Variants in PCDH15 observed in about 807,000 individuals in gnomAD.
The protein encoded by PCDH15 is protocadherin related 15.
Under a neutral mutation model 178.5 loss-of-function variants are expected in PCDH15, and 129 were observed. That is an observed-to-expected ratio of 0.72 (90% CI 0.63 to 0.84). The LOEUF (loss-of-function observed/expected upper bound fraction) is 0.84, where lower values mean the gene tolerates loss of function less well. PCDH15 is among the 40% of genes least tolerant of loss of function. PCDH15 has a pLI of 0.00. For missense variants in PCDH15, 2,230 were observed against 2,099.9 expected (o/e 1.06, Z -1.21); for synonymous variants, 800 against 732.0 (o/e 1.09, Z -1.50).
chr10:55,536,466 A>G (rs1841580232), intron 2 of PCDH15, among the ~76,000 whole-genome samples: 1 of 152,076 alleles, frequency 6.6e-6, no homozygotes, highest in Non-Finnish European at 1.5e-5. Context: ...AATTTCCTCT[A>G]CTGAAAAATT....
intron 3 of PCDH15, among the ~76,000 whole-genome samples, chr10:54,817,297 G>C (rs926182729): frequency 4.6e-5 from 7 of 151,974 alleles, no homozygotes; most frequent in Middle Eastern, 3.4e-3. Context: ...TAGAAAACTT[G>C]CCATGAATCC....
chr10:54,271,155 T>C (rs1438292225), intron 8 of PCDH15, among the ~76,000 whole-genome samples: 1 of 152,166 alleles, frequency 6.6e-6, no homozygotes, highest in East Asian at 1.9e-4. Context: ...CCATTGTATA[T>C]AATTTAAATT....
chr10:53,979,388 A>G (rs773646075), intron 21 of PCDH15, among the ~76,000 whole-genome samples: 3 of 152,178 alleles, frequency 2.0e-5, no homozygotes, highest in Non-Finnish European at 4.4e-5. Flanking sequence ...CCATGATTCA[A>G]TTGTCTCCCA....
At chr10:55,457,055 C>A (rs1839569651) in intron 2 of PCDH15, among the ~76,000 whole-genome samples, 1 of 152,012 alleles carries the variant, frequency 6.6e-6, no homozygotes, top group Non-Finnish European at 1.5e-5. Flanking sequence ...TCTAGAATTA[C>A]ATGAGCTGAG....
chr10:54,685,107 C>T (rs1014215107), intron 1 of PCDH15, among the ~76,000 whole-genome samples: 1 of 151,862 alleles, frequency 6.6e-6, no homozygotes, highest in Non-Finnish European at 1.5e-5. Context: ...TAGGCCTACA[C>T]CGGGTCAAGA....
intron 2 of PCDH15, among the ~76,000 whole-genome samples, chr10:55,477,385 G>T (rs186323718): frequency 7.8e-4 from 119 of 151,974 alleles, no homozygotes; most frequent in Non-Finnish European, 1.2e-3. Context: ...ATATGAGACA[G>T]CATAAGGGTA....
intron 2 of PCDH15, among the ~76,000 whole-genome samples, chr10:55,531,109 A>G (rs1841444135): frequency 6.6e-6 from 1 of 151,996 alleles, no homozygotes; most frequent in Non-Finnish European, 1.5e-5. Flanking sequence ...CCTGTCTACT[A>G]GTTACTAACT....
chr10:54,767,664 G>A (rs80190400), intron 1 of PCDH15, among the ~76,000 whole-genome samples: 40 of 152,188 alleles, frequency 2.6e-4, no homozygotes, highest in African/African-American at 8.9e-4. Flanking sequence ...GATACAATGT[G>A]AGGAAAATAA....
intron 2 of PCDH15, among the ~76,000 whole-genome samples, chr10:55,381,932 A>G (rs1837543037): frequency 6.6e-6 from 1 of 152,162 alleles, no homozygotes; most frequent in Non-Finnish European, 1.5e-5. Context: ...AAGTTGTCTG[A>G]GAAAGAAGTC....
chr10:55,271,729 T>A (rs1259888235), intron 1 of PCDH15, among the ~76,000 whole-genome samples: 1 of 152,078 alleles, frequency 6.6e-6, no homozygotes, highest in Non-Finnish European at 1.5e-5. Context: ...TAGGTCTTGG[T>A]ACTCTGGCCT....
chr10:54,485,456 A>G (rs2079036840), intron 3 of PCDH15, among the ~76,000 whole-genome samples: 1 of 152,044 alleles, frequency 6.6e-6, no homozygotes, highest in Non-Finnish European at 1.5e-5. Context: ...TATTTAGGAT[A>G]CAAAATAAGA....
intron 1 of PCDH15, among the ~76,000 whole-genome samples, chr10:54,732,224 T>A (rs2132670670): frequency 6.6e-6 from 1 of 151,358 alleles, no homozygotes; most frequent in Non-Finnish European, 1.5e-5. Flanking sequence ...ATTAGGAGAC[T>A]TCTAGCTAAA....
At chr10:54,800,314 A>G (rs1317347264) in intron 1 of PCDH15, among the ~76,000 whole-genome samples, 1 of 152,216 alleles carries the variant, frequency 6.6e-6, no homozygotes, top group Non-Finnish European at 1.5e-5. Context: ...AGAAGGATAC[A>G]GTTGACCTAG....
chr10:55,614,769 C>T (rs1843441064), intron 2 of PCDH15, among the ~76,000 whole-genome samples: 1 of 152,072 alleles, frequency 6.6e-6, no homozygotes, highest in Non-Finnish European at 1.5e-5. Context: ...TGGTTTATTT[C>T]TATAGCTTTT....
At chr10:55,335,845 T>C (rs1156404839) in intron 2 of PCDH15, among the ~76,000 whole-genome samples, 1 of 152,192 alleles carries the variant, frequency 6.6e-6, no homozygotes, top group African/African-American at 2.4e-5. Context: ...TTAAATGTTA[T>C]ATGATTAAGT....
At chr10:54,208,968 T>C (rs2134058473) in intron 10 of PCDH15, among the ~76,000 whole-genome samples, 1 of 151,594 alleles carries the variant, frequency 6.6e-6, no homozygotes. Context: ...ATCTCTTGTC[T>C]TTTTTTTTCC....
At chr10:54,080,611 C>T (rs2094422945) in intron 16 of PCDH15, among the ~76,000 whole-genome samples, 2 of 152,068 alleles carry the variant, frequency 1.3e-5, no homozygotes, top group African/African-American at 4.8e-5. Flanking sequence ...TAGTTGAGTA[C>T]AGAGAGTCAA....
chr10:55,534,200 T>C (rs1454295567), intron 2 of PCDH15, among the ~76,000 whole-genome samples: 1 of 152,014 alleles, frequency 6.6e-6, no homozygotes, highest in Admixed American at 6.6e-5. Flanking sequence ...CTAAAAGCAA[T>C]TGCAACAAAA....
At chr10:54,765,186 A>T (rs1948359538) in intron 1 of PCDH15, among the ~76,000 whole-genome samples, 1 of 152,144 alleles carries the variant, frequency 6.6e-6, no homozygotes, top group African/African-American at 2.4e-5. Flanking sequence ...ACGTGCATAA[A>T]TATTTTTATG....
Sources: allele counts gnomAD v4.1 joint callset (sites outside exome capture counted in the v4.1 genomes callset), GRCh38; gene constraint gnomAD v4.1.1; transcripts MANE v1.5; gene names NCBI Gene and HGNC (gene_info 2026-07-23, HGNC 2026-07-21).